Variants in ARHGEF33 observed in about 807,000 individuals in gnomAD.
ARHGEF33 encodes DH and coiled-coil domain-containing protein ENSP00000381780.
A neutral mutation model predicts 101.9 loss-of-function variants in ARHGEF33; 72 were observed. The observed-to-expected ratio is 0.71, with a 90% CI of 0.58 to 0.86. The LOEUF (loss-of-function observed/expected upper bound fraction) is 0.86. Among genes scored for constraint, ARHGEF33 ranks in the 40% least tolerant of loss-of-function variants. The probability of loss-of-function intolerance (pLI) is 0.00; values close to 1 mark genes in which losing one functional copy is unlikely to be tolerated. For synonymous variants in ARHGEF33, 499 were observed against 442.5 expected (o/e 1.13, Z -1.60); for missense variants, 1,169 against 1,111.3 (o/e 1.05, Z -0.74).
intron 9 of ARHGEF33, among the ~76,000 whole-genome samples, chr2:38,938,164 T>A (rs1302406592): frequency 1.3e-5 from 2 of 152,170 alleles, no homozygotes; most frequent in African/African-American, 4.8e-5. Context: ...TGCTTCCATG[T>A]TTTCTTTTCG....
chr2:38,909,868 A>G (rs916259213), intron 2 of ARHGEF33, among the ~76,000 whole-genome samples: 2 of 151,840 alleles, frequency 1.3e-5, no homozygotes, highest in African/African-American at 4.8e-5. Flanking sequence ...CTTGCGTTAC[A>G]TTGATTAATT....
intron 4 of ARHGEF33, among the ~76,000 whole-genome samples, chr2:38,926,753 ACT>A (rs1666881416): frequency 6.6e-6 from 1 of 151,140 alleles, no homozygotes; most frequent in South Asian, 2.1e-4. Context: ...TCTGCAGAAA[ACT>A]CTGCCTAAGG....
chr2:38,894,492 A>C (rs920681670), intron 1 of ARHGEF33, among the ~76,000 whole-genome samples: 1 of 147,772 alleles, frequency 6.8e-6, no homozygotes, highest in Non-Finnish European at 1.5e-5. Flanking sequence ...CATTAAAAAC[A>C]AACAAACAAA....
Position 38,973,695 on chromosome 2 carries a change from C to T in ARHGEF33, c.2484-19C>T, listed in dbSNP as rs975839507. The T allele has an allele frequency of 6.6e-7, 1 of 1,512,052 alleles. No individual in the cohort carries two copies. Among genetic ancestry groups the T allele is most frequent in the Non-Finnish European group, 8.9e-7 (1 of 1,128,054 alleles). 93.7% of individuals were successfully genotyped at this position (1,512,052 alleles called of 1,614,324 possible). A position where few individuals can be genotyped will look rare whatever the true frequency, so the allele number is the denominator to read the frequency against. On this transcript the variant is annotated intron_variant, in intron 17 of 17. Coordinates refer to ENST00000409978, the MANE Select transcript of ARHGEF33 (RefSeq NM_001145451.5). ...AAAACCAAATCAACCTGTACTTTATCTGTGTGCTGAGATTTTAGGTCCAGT... is the reference window on the plus strand; with the variant it reads ...AAAACCAAATCAACCTGTACTTTATTTGTGTGCTGAGATTTTAGGTCCAGT...
rs188850284 is a variant in ARHGEF33, at chr2:38,951,572, G to C, written c.1053+451G>C. 2.0e-3 allele frequency among the ~76,000 whole-genome samples: 306 copies of C among 151,784 alleles called. 1 individual carries two copies. Among genetic ancestry groups the C allele is most frequent in the Middle Eastern group, 3.4e-3 (1 of 292 alleles). ...GTTTGAACCCAGGACTTCAAAACTA[G>C]CTTGAGCGACACAGCAAGACCCTGT... On this transcript the variant is annotated intron_variant, in intron 11 of 17. Coordinates refer to ENST00000409978, the MANE Select transcript of ARHGEF33 (RefSeq NM_001145451.5).
At chr2:38,961,067 T>C (rs1178822935) in intron 16 of ARHGEF33, among the ~76,000 whole-genome samples, 1 of 152,194 alleles carries the variant, frequency 6.6e-6, no homozygotes, top group Non-Finnish European at 1.5e-5. Context: ...AGTGTGTTTC[T>C]TCTGTCTGTG....
At chr2:38,904,957 T>A (rs1160175442) in intron 2 of ARHGEF33, among the ~76,000 whole-genome samples, 2 of 152,156 alleles carry the variant, frequency 1.3e-5, no homozygotes, top group African/African-American at 4.8e-5. Context: ...CTCGTAAGGA[T>A]TTCACAGCTG....
chr2:38,934,496 C>T (rs1156330148), intron 7 of ARHGEF33, among the ~76,000 whole-genome samples: 3 of 89,590 alleles, frequency 3.3e-5, no homozygotes, highest in Non-Finnish European at 6.7e-5. Flanking sequence ...TCCCTCCCTC[C>T]ATCCCTCCCC....
chr2:38,945,508 A>T (rs576636270), intron 10 of ARHGEF33, among the ~76,000 whole-genome samples: 1 of 152,374 alleles, frequency 6.6e-6, no homozygotes, highest in East Asian at 1.9e-4. Context: ...ATTCTCAGCC[A>T]TCCTTCCTTC....
chr2:38,956,970 A>G lies in ARHGEF33; in HGVS notation c.1293A>G (p.Arg431=), dbSNP rs1217519996. 9.7e-6 allele frequency: 15 copies of G among 1,552,174 alleles called. No homozygotes were observed. Among genetic ancestry groups the G allele is most frequent in the African/African-American group, 1.4e-5 (1 of 73,046 alleles). The change falls in exon 14 of 18, where the codon CGA becomes CGG. Residue 431 remains arginine (R), a synonymous_variant. Coordinates refer to ENST00000409978, the MANE Select transcript of ARHGEF33 (RefSeq NM_001145451.5). ...TACTGGTGTGTGTCCAGCGCCTCCG[A>G]GTATTTATCTCACACTACACCCTGC... The part of the protein sequence containing the change: ...YLLLVCVQRL[R]VFISHYTLLF...
At chr2:38,929,295 G>A (rs1384414215) in intron 5 of ARHGEF33, among the ~76,000 whole-genome samples, 3 of 152,148 alleles carry the variant, frequency 2.0e-5, no homozygotes, top group African/African-American at 7.2e-5. Context: ...CGGGTGTGGT[G>A]GCAGGCGCCT....
intron 3 of ARHGEF33, among the ~76,000 whole-genome samples, chr2:38,920,428 A>G (rs541818723): frequency 9.8e-6 from 1 of 101,932 alleles, no homozygotes; most frequent in Non-Finnish European, 1.8e-5. Flanking sequence ...TTTTTTTGAG[A>G]CAGAGTTTCG....
At chr2:38,927,843 T>C (rs1666908284) in intron 4 of ARHGEF33, among the ~76,000 whole-genome samples, 1 of 152,230 alleles carries the variant, frequency 6.6e-6, no homozygotes, top group African/African-American at 2.4e-5. Context: ...AATGTTATTA[T>C]CCTGTTGTTA....
chr2:38,898,380 C>T (rs1005333488), intron 2 of ARHGEF33, among the ~76,000 whole-genome samples: 1 of 152,156 alleles, frequency 6.6e-6, no homozygotes, highest in Non-Finnish European at 1.5e-5. Context: ...CATGCACAGG[C>T]AAGCTAGTAT....
At chr2:38,909,706 ATTT>A (rs71813216) in intron 2 of ARHGEF33, among the ~76,000 whole-genome samples, 47 of 111,812 alleles carry the variant, frequency 4.2e-4, no homozygotes, top group Middle Eastern at 4.1e-3. Flanking sequence ...TTCAAGGATG[ATTT>A]TTTTTTTTTT....
At chr2:38,920,186 A>G (rs1666723635) in intron 3 of ARHGEF33, among the ~76,000 whole-genome samples, 1 of 152,112 alleles carries the variant, frequency 6.6e-6, no homozygotes, top group Non-Finnish European at 1.5e-5. Context: ...CACACAACCA[A>G]ATGTTTGCAA....
At chr2:38,939,306 A>T (rs977952643) in intron 9 of ARHGEF33, among the ~76,000 whole-genome samples, 2 of 152,008 alleles carry the variant, frequency 1.3e-5, no homozygotes, top group Admixed American at 6.6e-5. Flanking sequence ...ATTTTTTTTT[A>T]GTGGGGGGAT....
At chr2:38,965,049 G>GA (rs568844436) in intron 16 of ARHGEF33, among the ~76,000 whole-genome samples, 275 of 141,934 alleles carry the variant, frequency 1.9e-3, no homozygotes, top group South Asian at 4.2e-3. Flanking sequence ...TATGTTTCCC[G>GA]AAAAAAAAAA....
At chr2:38,939,809 C>T (rs1667258173) in intron 9 of ARHGEF33, among the ~76,000 whole-genome samples, 1 of 152,160 alleles carries the variant, frequency 6.6e-6, no homozygotes, top group Non-Finnish European at 1.5e-5. Flanking sequence ...CACCACTGCA[C>T]CCAGCTGTCA....
Sources: allele counts gnomAD v4.1 joint callset (sites outside exome capture counted in the v4.1 genomes callset), GRCh38; gene constraint gnomAD v4.1.1; transcripts MANE v1.5; gene names NCBI Gene and HGNC (gene_info 2026-07-23, HGNC 2026-07-21).